Variants in TSPAN18 observed in about 807,000 individuals in gnomAD.
The protein encoded by TSPAN18 is tetraspanin-18.
In TSPAN18, 14 loss-of-function variants were observed where a neutral mutation model predicts 27.3. That is an observed-to-expected ratio of 0.51 (90% CI 0.34 to 0.80). TSPAN18 has a LOEUF of 0.80. Ranked by LOEUF, TSPAN18 falls within the 30% of genes least tolerant of loss-of-function variation. TSPAN18 has a pLI of 0.01. For missense variants in TSPAN18, 268 were observed against 323.9 expected, an observed-to-expected ratio of 0.83 and a Z score of 1.32; for synonymous variants, 143 against 136.5, an observed-to-expected ratio of 1.05 and a Z score of -0.33.
intron 2 of TSPAN18, among the ~76,000 whole-genome samples, chr11:44,782,977 C>T (rs183492520): frequency 4.9e-4 from 74 of 151,876 alleles, no homozygotes; most frequent in African/African-American, 1.7e-3. Flanking sequence ...TACAGGTGTG[C>T]GCCACCATGC....
intron 2 of TSPAN18, among the ~76,000 whole-genome samples, chr11:44,834,899 G>A (rs966116907): frequency 6.6e-6 from 1 of 152,170 alleles, no homozygotes; most frequent in African/African-American, 2.4e-5. Flanking sequence ...CAGGGAAGGG[G>A]AGGAAAGCAA....
intron 4 of TSPAN18, among the ~76,000 whole-genome samples, chr11:44,908,826 A>AAGGAAGGAAG (rs1859596885): frequency 7.4e-6 from 1 of 135,498 alleles, no homozygotes; most frequent in African/African-American, 2.8e-5. Context: ...AAAGAAAGAA[A>AAGGAAGGAAG]GAAAAAGAAA....
chr11:44,923,797 T>C (rs1860236710), intron 8 of TSPAN18, among the ~76,000 whole-genome samples: 1 of 152,082 alleles, frequency 6.6e-6, no homozygotes, highest in African/African-American at 2.4e-5. Context: ...AGACACTCAT[T>C]CAGAGTGGGT....
chr11:44,851,628 G>T (rs969819831), intron 2 of TSPAN18, among the ~76,000 whole-genome samples: 1 of 106,456 alleles, frequency 9.4e-6, no homozygotes, highest in Non-Finnish European at 2.1e-5. Flanking sequence ...CCCCCCCAAC[G>T]GCTGGGTCCC....
At chr11:44,923,130 CT>C (rs1338958412) in intron 8 of TSPAN18, among the ~76,000 whole-genome samples, 1 of 152,136 alleles carries the variant, frequency 6.6e-6, no homozygotes, top group African/African-American at 2.4e-5. Flanking sequence ...AAAAAGAAGC[CT>C]TTGGAACAGC....
At chr11:44,905,246 G>A (rs141846437) in intron 3 of TSPAN18, among the ~76,000 whole-genome samples, 9 of 152,208 alleles carry the variant, frequency 5.9e-5, no homozygotes, top group African/African-American at 1.2e-4. Context: ...GGGAGGAAGC[G>A]GGAGCTGCAG....
intron 2 of TSPAN18, among the ~76,000 whole-genome samples, chr11:44,776,942 C>A (rs992768718): frequency 6.6e-6 from 1 of 152,204 alleles, no homozygotes; most frequent in Non-Finnish European, 1.5e-5. Context: ...CAGGAGCCTG[C>A]ATGGGCAGCC....
At chr11:44,794,080 C>A (rs1362821848) in intron 2 of TSPAN18, among the ~76,000 whole-genome samples, 1 of 152,154 alleles carries the variant, frequency 6.6e-6, no homozygotes, top group Non-Finnish European at 1.5e-5. Flanking sequence ...AGGAATCAGC[C>A]ATTAGAGGAG....
intron 3 of TSPAN18, among the ~76,000 whole-genome samples, chr11:44,888,676 A>C (rs928163502): frequency 1.3e-5 from 2 of 152,032 alleles, no homozygotes; most frequent in Non-Finnish European, 2.9e-5. Flanking sequence ...TTCAGCTCTG[A>C]TTTTGCTATG....
chr11:44,877,547 C>G (rs1198014322), intron 3 of TSPAN18, among the ~76,000 whole-genome samples: 1 of 152,164 alleles, frequency 6.6e-6, no homozygotes, highest in Non-Finnish European at 1.5e-5. Context: ...GAGGACCCCC[C>G]GCCTCTGCTC....
At chr11:44,850,713 C>T (rs1182124059) in intron 2 of TSPAN18, among the ~76,000 whole-genome samples, 1 of 152,136 alleles carries the variant, frequency 6.6e-6, no homozygotes, top group Non-Finnish European at 1.5e-5. Context: ...TATCTAAGGT[C>T]ACATAGTAAG....
chr11:44,876,824 C>T (rs1489918740), intron 3 of TSPAN18, among the ~76,000 whole-genome samples: 2 of 152,102 alleles, frequency 1.3e-5, no homozygotes, highest in Non-Finnish European at 2.9e-5. Flanking sequence ...CTTGTAAGCT[C>T]CCTGATATAT....
intron 2 of TSPAN18, among the ~76,000 whole-genome samples, chr11:44,788,740 C>A (rs367885970): frequency 8.7e-4 from 133 of 152,286 alleles, no homozygotes; most frequent in African/African-American, 3.1e-3. Context: ...AGCCACCGCA[C>A]CCGGCCTGGA....
At chr11:44,841,844 AATG>A (rs1857380677) in intron 2 of TSPAN18, among the ~76,000 whole-genome samples, 1 of 152,214 alleles carries the variant, frequency 6.6e-6, no homozygotes, top group African/African-American at 2.4e-5. Context: ...ATCAGGTCCA[AATG>A]ATAAGTTTAG....
At chr11:44,919,120 C>A (rs1860027205) in intron 6 of TSPAN18, 94 bp from the exon 7 acceptor site, 2 of 1,031,476 alleles carry the variant, frequency 1.9e-6, no homozygotes, top group South Asian at 2.6e-5. Context: ...GCTCTCATTC[C>A]CCCAACTCCC....
At chr11:44,748,576 G>A (rs1176862958) in intron 1 of TSPAN18, among the ~76,000 whole-genome samples, 6 of 152,176 alleles carry the variant, frequency 3.9e-5, no homozygotes, top group Non-Finnish European at 8.8e-5. Context: ...TCCTGGTACT[G>A]AGGAGACATT....
chr11:44,846,434 G>A (rs1670298), intron 2 of TSPAN18, among the ~76,000 whole-genome samples: 4 of 152,374 alleles, frequency 2.6e-5, no homozygotes, highest in South Asian at 2.1e-4. Context: ...GCAGGGGCCT[G>A]CCTCCCCTGA....
chr11:44,900,515 A>G (rs75731727), intron 3 of TSPAN18, among the ~76,000 whole-genome samples: 2,164 of 152,132 alleles, frequency 0.014, 47 homozygotes, highest in African/African-American at 0.05. Flanking sequence ...CCTCCTCTGA[A>G]AAATAGAATG....
At chr11:44,730,621 A>G (rs1240895788) in intron 1 of TSPAN18, among the ~76,000 whole-genome samples, 1 of 148,374 alleles carries the variant, frequency 6.7e-6, no homozygotes, top group South Asian at 2.1e-4. Context: ...GGATCATGAA[A>G]CACTTTTTTT....
Sources: allele counts gnomAD v4.1 joint callset (sites outside exome capture counted in the v4.1 genomes callset), GRCh38; gene constraint gnomAD v4.1.1; transcripts MANE v1.5; gene names NCBI Gene and HGNC (gene_info 2026-07-23, HGNC 2026-07-21).